Variants in ZNF814 observed in about 807,000 individuals in gnomAD.
ZNF814 encodes zinc finger protein 814.
In ZNF814, 5 loss-of-function variants were observed where a neutral mutation model predicts 7.5. The observed-to-expected ratio is 0.67, with a 90% CI of 0.35 to 1.40. The LOEUF is 1.40. ZNF814 is among the 40% of genes most tolerant of loss of function. ZNF814 has a pLI of 0.04. For synonymous variants in ZNF814, 315 were observed against 340.7 expected, an observed-to-expected ratio of 0.92 and a Z score of 0.83; for missense variants, 962 against 1,018.0, an observed-to-expected ratio of 0.94 and a Z score of 0.75.
rs867966021 is a variant in ZNF814, at chr19:57,878,217, G to A, written c.37-1175C>T. Among the ~76,000 whole-genome samples the A allele has an allele frequency of 6.0e-5, 9 of 151,052 alleles. 2 individuals are homozygous for A. In the South Asian group the frequency reaches 1.9e-3, roughly 32 times the overall value. ...AATATATTAACAGCCTGATAAGAGG[G>A]ACACCACTCACCACAGAGAGCCACA... On this transcript the variant is annotated intron_variant, in intron 1 of 2. Coordinates refer to ENST00000435989, the MANE Select transcript of ZNF814 (RefSeq NM_001144989.2).
rs1409687977 is a variant in ZNF814, at chr19:57,874,785, T to A, written c.605A>T (p.Glu202Val). 2 of 1,614,080 alleles carry A rather than the reference T, an allele frequency of 1.2e-6. No homozygotes were observed. The highest frequency in any genetic ancestry group is 1.7e-6 in the Non-Finnish European group (2 of 1,179,980). ...HTGEKSNSKTECVSPIQCGGA... is the reference protein window; with the variant it reads ...HTGEKSNSKTVCVSPIQCGGA... ...CCCACACTGAATGGGAGACACACAC[T>A]CAGTTTTGCTGTTTGACTTCTCCCC... The change falls in exon 3 of 3, where the codon GAG becomes GTG. Residue 202 changes from glutamate to valine, a missense_variant. Glu to Val is a moderately radical substitution (Grantham distance 121, BLOSUM62 -2). Around this residue, in one of 7 missense-constraint regions of ZNF814, gnomAD observed 126 missense variants for 123.5 expected, o/e 1.02. Transcript: ENST00000435989.
intron 1 of ZNF814, among the ~76,000 whole-genome samples, chr19:57,883,959 G>C (rs113531889): frequency 1.3e-3 from 193 of 152,214 alleles, no homozygotes; most frequent in African/African-American, 4.2e-3. Flanking sequence ...GTTTCCCCAT[G>C]TTGCCCAGGC....
At chr19:57,898,947 AAAAAAAAAAAG>A in the ZNF814 span, among the ~76,000 whole-genome samples, 15 of 151,762 alleles carry the variant, frequency 9.9e-5, no homozygotes, top group African/African-American at 3.1e-4. Flanking sequence ...CTCAAAAAAA[AAAAAAAAAAAG>A]AAAAGAAAAA....
rs569029708 is a variant in ZNF814 at position 57,869,383 on chromosome 19, A to G, written c.*3439T>C. On this transcript the variant is annotated 3_prime_UTR_variant, in exon 3 of 3. Coordinates refer to ENST00000435989, the MANE Select transcript of ZNF814 (RefSeq NM_001144989.2). ...TGATACGAGAGAGCACCCAGGGATT[A>G]TAAGAGGAAACACTTTATTACATCA... 108 of 152,004 alleles carry G rather than the reference A, an allele frequency of 7.1e-4. No individual in the cohort carries two copies. Among genetic ancestry groups the G allele is most frequent in the African/African-American group, 2.1e-3 (87 of 41,504 alleles). 9.4% of individuals were successfully genotyped at this position (152,004 alleles called of 1,614,324 possible). A position where few individuals can be genotyped will look rare whatever the true frequency, so the allele number is the denominator to read the frequency against.
At chr19:57,878,239 C>CA (rs1298537704) in intron 1 of ZNF814, among the ~76,000 whole-genome samples, 2 of 150,922 alleles carry the variant, frequency 1.3e-5, no homozygotes, top group African/African-American at 4.9e-5. Flanking sequence ...CACAGAGAGC[C>CA]ACATGGGGGT....
At chr19:57,898,265 T>C in the ZNF814 span, among the ~76,000 whole-genome samples, 1 of 152,180 alleles carries the variant, frequency 6.6e-6, no homozygotes, top group African/African-American at 2.4e-5. Context: ...TGTCAATTTA[T>C]GGGGAAGGGG....
chr19:57,904,961 T>C, the ZNF814 span, among the ~76,000 whole-genome samples: 1 of 148,676 alleles, frequency 6.7e-6, no homozygotes, highest in Non-Finnish European at 1.5e-5. Flanking sequence ...GAGGCAGAAC[T>C]GCTTGAACTC....
chr19:57,887,046 G>A lies in ZNF814; in HGVS notation c.36+1721C>T, dbSNP rs202115127. ...CTACTAAACATACAAAAAATTAGCC[G>A]GGTGTGGTGGCGCATGCCTGTAATC... On this transcript the variant is annotated intron_variant, in intron 1 of 2. Transcript: ENST00000435989. Among the ~76,000 whole-genome samples the A allele has an allele frequency of 1.1e-4, 17 of 149,664 alleles. No individual in the cohort carries two copies. In the South Asian group the frequency reaches 2.1e-3, roughly 19 times the overall value.
upstream of ZNF814, among the ~76,000 whole-genome samples, chr19:57,890,483 G>A (rs1234174888): frequency 6.6e-6 from 1 of 152,072 alleles, no homozygotes; most frequent in Non-Finnish European, 1.5e-5. Flanking sequence ...TAATTTGGTA[G>A]ATAGGGGGCC....
chr19:57,880,637 C>A (rs2071645701), intron 1 of ZNF814, among the ~76,000 whole-genome samples: 2 of 126,052 alleles, frequency 1.6e-5, no homozygotes, highest in Admixed American at 8.0e-5. Context: ...GAGAGAGTCT[C>A]GCTCTGTCAC....
At chr19:57,899,501 T>C in the ZNF814 span, among the ~76,000 whole-genome samples, 3 of 152,242 alleles carry the variant, frequency 2.0e-5, no homozygotes, top group African/African-American at 7.2e-5. Context: ...TTAAAAACTT[T>C]AAATGACTTT....
chr19:57,880,943 A>G (rs2071648761), intron 1 of ZNF814, among the ~76,000 whole-genome samples: 1 of 152,168 alleles, frequency 6.6e-6, no homozygotes, highest in South Asian at 2.1e-4. Context: ...AAACACTGTC[A>G]ACACAGAAAA....
chr19:57,877,362 G>A (rs2071615198), intron 1 of ZNF814, among the ~76,000 whole-genome samples: 2 of 152,216 alleles, frequency 1.3e-5, no homozygotes, highest in South Asian at 2.1e-4. Flanking sequence ...TAGACTTCCA[G>A]GTACATTCCA....
At chr19:57,893,919 C>CA (rs752032106), upstream of ZNF814, among the ~76,000 whole-genome samples, 2,462 of 127,584 alleles carry the variant, frequency 0.019, 59 homozygotes, top group African/African-American at 0.063. Context: ...GACCCCATCT[C>CA]AAAAAAAAAA....
At chr19:57,878,066 T>C (rs942068382) in intron 1 of ZNF814, among the ~76,000 whole-genome samples, 5 of 148,524 alleles carry the variant, frequency 3.4e-5, no homozygotes, top group Non-Finnish European at 5.9e-5. Flanking sequence ...CTTGGGAGGC[T>C]GAGGCAGGAG....
In ZNF814 at chr19:57,888,980, A is replaced by G. The variant is rs760874022; in HGVS notation, c.-178T>C. ...CCCGACTTCTGGGTTCAGTCACCAC[A>G]GTGCGGACCTAGCGCTCAGGAGCCT... On this transcript the variant is annotated 5_prime_UTR_variant, in exon 1 of 3. Coordinates refer to ENST00000435989, the MANE Select transcript of ZNF814 (RefSeq NM_001144989.2). The G allele has an allele frequency of 3.0e-5, 19 of 642,966 alleles. No homozygotes were observed. Among genetic ancestry groups the G allele is most frequent in the Non-Finnish European group, 4.6e-5 (17 of 371,740 alleles). The allele number at this position is 642,966 out of a possible 1,614,324, so 39.8% of individuals were successfully genotyped here. A position where few individuals can be genotyped will look rare whatever the true frequency, so the allele number is the denominator to read the frequency against.
chr19:57,872,528 G>GA lies in ZNF814; in HGVS notation c.*293dup, dbSNP rs1203244641. On this transcript the variant is annotated 3_prime_UTR_variant, in exon 3 of 3. Coordinates refer to ENST00000435989, the MANE Select transcript of ZNF814 (RefSeq NM_001144989.2). ...GTGTGAACTCTCTGATATTCAAGGA[G>GA]AAAAGACCTTCAGGTAACTTTTTTC... 18 of 675,906 alleles carry GA rather than the reference G, an allele frequency of 2.7e-5. No homozygotes were observed. The highest frequency in any genetic ancestry group is 4.5e-5 in the Non-Finnish European group (18 of 401,738). 41.9% of individuals were successfully genotyped at this position (675,906 alleles called of 1,614,324 possible). A position where few individuals can be genotyped will look rare whatever the true frequency, so the allele number is the denominator to read the frequency against.
At chr19:57,900,830 C>T in the ZNF814 span, among the ~76,000 whole-genome samples, 1 of 101,554 alleles carries the variant, frequency 9.8e-6, no homozygotes, top group Non-Finnish European at 2.2e-5. Flanking sequence ...GCAGCAAAGC[C>T]ATGGCTGCAT....
At chr19:57,904,238 C>T in the ZNF814 span, among the ~76,000 whole-genome samples, 1 of 152,112 alleles carries the variant, frequency 6.6e-6, no homozygotes, top group Non-Finnish European at 1.5e-5. Flanking sequence ...CCGCTTTCTA[C>T]CCCCACATCC....
Sources: gnomAD v4.1 joint callset for allele counts (sites outside exome capture counted in the v4.1 genomes callset) on GRCh38, gnomAD v4.1.1 for gene constraint, gnomAD v4.1.1 regional missense constraint, MANE v1.5 for transcripts, NCBI Gene and HGNC (gene_info 2026-07-23, HGNC 2026-07-21) for gene names.